The following NAALADL2 variants were observed in gnomAD, a reference collection of about 807,000 sequenced individuals.
The protein encoded by NAALADL2 is N-acetylated alpha-linked acidic dipeptidase like 2, also known as inactive N-acetylated-alpha-linked acidic dipeptidase-like protein 2.
NAALADL2 carries 76 observed loss-of-function variants against 87.2 expected under a neutral mutation model. The observed-to-expected ratio is 0.87, with a 90% confidence interval of 0.72 to 1.05. The LOEUF (loss-of-function observed/expected upper bound fraction) is 1.05. Ranked by LOEUF, NAALADL2 falls within the 50% of genes least tolerant of loss-of-function variation. The probability of loss-of-function intolerance (pLI) is 0.00; values close to 1 mark genes in which losing one functional copy is unlikely to be tolerated. For synonymous variants in NAALADL2, 354 were observed against 331.0 expected, an observed-to-expected ratio of 1.07 and a Z score of -0.75; for missense variants, 1,089 against 945.8, an observed-to-expected ratio of 1.15 and a Z score of -1.99.
intron 1 of NAALADL2, among the ~76,000 whole-genome samples, chr3:174,525,988 A>G (rs1251807770): frequency 1.3e-5 from 2 of 152,330 alleles, no homozygotes; most frequent in South Asian, 2.1e-4. Context: ...CTAGCTAGTA[A>G]GTAGTGGAAC....
chr3:175,224,939 G>T (rs1347661475), intron 2 of NAALADL2, among the ~76,000 whole-genome samples: 2 of 152,100 alleles, frequency 1.3e-5, no homozygotes, highest in Admixed American at 6.6e-5. Flanking sequence ...GTTTGGGTGG[G>T]TTAAAAGTTA....
intron 2 of NAALADL2, among the ~76,000 whole-genome samples, chr3:175,188,625 C>G (rs1737691034): frequency 6.6e-6 from 1 of 152,136 alleles, no homozygotes; most frequent in Admixed American, 6.6e-5. Flanking sequence ...CTGGACTAGA[C>G]CCCTGGAGTC....
intron 3 of NAALADL2, among the ~76,000 whole-genome samples, chr3:174,741,555 TCA>T (rs1733762163): frequency 4.0e-5 from 6 of 151,640 alleles, no homozygotes; most frequent in Non-Finnish European, 7.4e-5. Flanking sequence ...TCTGTCCCTC[TCA>T]GAGGACAAGC....
intron 1 of NAALADL2, among the ~76,000 whole-genome samples, chr3:174,446,580 T>A (rs1293912864): frequency 6.6e-6 from 1 of 152,088 alleles, no homozygotes; most frequent in African/African-American, 2.4e-5. Context: ...TTAAATAGTA[T>A]GTGTGTGTGT....
intron 2 of NAALADL2, among the ~76,000 whole-genome samples, chr3:174,618,869 A>G (rs1390113067): frequency 2.0e-5 from 3 of 152,048 alleles, no homozygotes; most frequent in East Asian, 1.9e-4. Context: ...AACTTCCTCT[A>G]TTAACAACAG....
At chr3:174,449,169 G>A (rs1232244064) in intron 1 of NAALADL2, among the ~76,000 whole-genome samples, 6 of 152,166 alleles carry the variant, frequency 3.9e-5, no homozygotes, top group Non-Finnish European at 5.9e-5. Flanking sequence ...ATATGGTGCA[G>A]TCTCATCCAT....
intron 9 of NAALADL2, among the ~76,000 whole-genome samples, chr3:175,524,508 TA>T (rs1258204977): frequency 6.6e-6 from 1 of 152,146 alleles, no homozygotes; most frequent in African/African-American, 2.4e-5. Flanking sequence ...TCATAGGACT[TA>T]ACACAAATGC....
chr3:175,236,111 A>T (rs1745797592), intron 3 of NAALADL2, among the ~76,000 whole-genome samples: 1 of 152,060 alleles, frequency 6.6e-6, no homozygotes, highest in Admixed American at 6.6e-5. Context: ...TATAATGGGG[A>T]GATTCACTGG....
intron 10 of NAALADL2, among the ~76,000 whole-genome samples, chr3:175,619,836 C>A (rs568670183): frequency 2.6e-5 from 4 of 152,050 alleles, no homozygotes; most frequent in Admixed American, 1.3e-4. Context: ...AGTCCAGGAA[C>A]CTTCAAGTAA....
At chr3:174,997,034 G>A (rs916251241) in intron 1 of NAALADL2, among the ~76,000 whole-genome samples, 7,110 of 103,990 alleles carry the variant, frequency 0.068, 298 homozygotes, top group East Asian at 0.24. Flanking sequence ...GTGTGTGTGT[G>A]TGTGTATGTG....
intron 1 of NAALADL2, among the ~76,000 whole-genome samples, chr3:174,905,382 C>T (rs888633732): frequency 5.3e-5 from 8 of 150,194 alleles, no homozygotes; most frequent in South Asian, 2.1e-4. Flanking sequence ...AAAATAGTTA[C>T]AATTAAGAAT....
intron 2 of NAALADL2, among the ~76,000 whole-genome samples, chr3:175,098,197 C>A (rs993855285): frequency 1.3e-5 from 2 of 152,214 alleles, no homozygotes; most frequent in African/African-American, 4.8e-5. Flanking sequence ...GTATAACCAT[C>A]CCTGGACATT....
rs1244637139 is a variant in NAALADL2, at chr3:175,415,901, C to A, written c.1091-31328C>A. Among the ~76,000 whole-genome samples, 7 of 150,464 alleles carry A rather than the reference C, an allele frequency of 4.7e-5. No homozygotes were observed. The South Asian group carries it at 1.1e-3, about 23-fold the overall frequency. ...AGCCAAAATGGGAGGATTGCTTGAG[C>A]CCAGGAATTTGAGAACAACCTGGTC... On this transcript the variant is annotated intron_variant, in intron 5 of 13. Coordinates refer to ENST00000454872, the MANE Select transcript of NAALADL2 (RefSeq NM_207015.3).
chr3:175,338,306 C>A (rs1271391797), intron 5 of NAALADL2, among the ~76,000 whole-genome samples: 2 of 151,920 alleles, frequency 1.3e-5, no homozygotes, highest in African/African-American at 4.8e-5. Context: ...GGTTCATATT[C>A]GATTTTAAAT....
intron 2 of NAALADL2, among the ~76,000 whole-genome samples, chr3:174,659,129 T>C (rs1434728624): frequency 6.6e-6 from 1 of 152,204 alleles, no homozygotes; most frequent in Non-Finnish European, 1.5e-5. Context: ...ATCTGAATAG[T>C]TATGATGTGG....
At chr3:175,464,689 C>T (rs931812349) in intron 7 of NAALADL2, among the ~76,000 whole-genome samples, 6 of 152,260 alleles carry the variant, frequency 3.9e-5, no homozygotes, top group African/African-American at 1.4e-4. Context: ...ATTTTAAGAT[C>T]AAGTTTTACA....
chr3:175,000,519 G>A (rs1748088164), intron 1 of NAALADL2, among the ~76,000 whole-genome samples: 2 of 152,266 alleles, frequency 1.3e-5, no homozygotes, highest in African/African-American at 4.8e-5. Context: ...CCAACCTCCA[G>A]TGTATGCCAA....
At chr3:175,411,217 T>G (rs928414219) in intron 5 of NAALADL2, among the ~76,000 whole-genome samples, 16 of 152,268 alleles carry the variant, frequency 1.1e-4, no homozygotes, top group African/African-American at 3.8e-4. Flanking sequence ...GGCCTATAAT[T>G]TACTAGTTTC....
chr3:175,002,846 C>T lies in NAALADL2; in HGVS notation c.44-93944C>T. Among the ~76,000 whole-genome samples the T allele has an allele frequency of 1.3e-5, 2 of 152,080 alleles. 1 individual carries two copies. Among genetic ancestry groups the T allele is most frequent in the Non-Finnish European group, 2.9e-5 (2 of 68,012 alleles). On this transcript the variant is annotated intron_variant, in intron 1 of 13. Coordinates refer to ENST00000454872, the MANE Select transcript of NAALADL2 (RefSeq NM_207015.3). ...CAGTTTCCTACAGGAATTAAGGATG[C>T]CAAGGACAGAATAACTGTGCTGGGA... is the stretch of plus-strand genomic sequence containing the variant.
Sources: gnomAD v4.1 joint callset for allele counts (sites outside exome capture counted in the v4.1 genomes callset) on GRCh38, gnomAD v4.1.1 for gene constraint, MANE v1.5 for transcripts, NCBI Gene and HGNC (gene_info 2026-07-23, HGNC 2026-07-21) for gene names.